Variants in PTPN11 observed in about 807,000 individuals in gnomAD.
PTPN11 encodes the protein tyrosine-protein phosphatase non-receptor type 11.
A neutral mutation model predicts 78.8 loss-of-function variants in PTPN11; 6 were observed. That is an observed-to-expected ratio of 0.08 (90% CI 0.04 to 0.15). The LOEUF is 0.15. Among genes scored for constraint, PTPN11 ranks in the 10% least tolerant of loss-of-function variants. PTPN11 has a pLI of 1.00. For synonymous variants in PTPN11, 221 were observed against 263.5 expected, an observed-to-expected ratio of 0.84 and a Z score of 1.56; for missense variants, 386 against 744.8, an observed-to-expected ratio of 0.52 and a Z score of 5.61.
At chr12:112,474,075 G>T (rs1274582213) in intron 7 of PTPN11, among the ~76,000 whole-genome samples, 2 of 152,074 alleles carry the variant, frequency 1.3e-5, no homozygotes, top group Non-Finnish European at 2.9e-5. Context: ...GTAGGCCGGC[G>T]CAGTGGCTTA....
chr12:112,446,240 T>A (rs745795958), intron 1 of PTPN11, 36 bp from the exon 2 acceptor site: 1 of 1,612,588 alleles, frequency 6.2e-7, no homozygotes, highest in African/African-American at 1.3e-5. Context: ...GACAGTGTCT[T>A]GTTTTTTTAT....
At chr12:112,491,954 G>A (rs1017397041) in intron 13 of PTPN11, among the ~76,000 whole-genome samples, 4 of 152,170 alleles carry the variant, frequency 2.6e-5, no homozygotes, top group Non-Finnish European at 5.9e-5. Flanking sequence ...TGACCCTCCC[G>A]CCTTGGCCTC....
intron 6 of PTPN11, among the ~76,000 whole-genome samples, chr12:112,469,242 T>G (rs2135889832): frequency 1.3e-5 from 2 of 152,254 alleles, no homozygotes; most frequent in South Asian, 4.2e-4. Context: ...GTAAGATGAA[T>G]TAGCAAATGA....
chr12:112,472,429 C>G (rs1045852775), intron 6 of PTPN11, among the ~76,000 whole-genome samples: 1 of 152,034 alleles, frequency 6.6e-6, no homozygotes, highest in African/African-American at 2.4e-5. Flanking sequence ...ATAGAACATT[C>G]TTTTGTATGA....
At position 112,478,017 on chromosome 12, in the gene PTPN11, T is replaced by C; in HGVS notation, c.1092+2T>C. 6.2e-7 allele frequency: 1 copy of C among 1,613,958 alleles called. No individual in the cohort carries two copies. Among genetic ancestry groups the C allele is most frequent in the Non-Finnish European group, 8.5e-7 (1 of 1,179,898 alleles). ...ACGAAAGAAGTGGAGAGAGGAAAGG[T>C]AAATCACAGAAACTTCTTTTCTGCT... is the stretch of plus-strand genomic sequence containing the variant. On this transcript the variant is annotated splice_donor_variant, in intron 9 of 15. Transcript: ENST00000351677. LOFTEE classifies it high-confidence loss of function.
intron 6 of PTPN11, among the ~76,000 whole-genome samples, chr12:112,472,049 A>G (rs967628422): frequency 2.6e-5 from 4 of 152,170 alleles, no homozygotes; most frequent in Non-Finnish European, 5.9e-5. Flanking sequence ...CATGTTGGCC[A>G]GGCTGGTCTT....
chr12:112,472,456 T>C (rs2038433059), intron 6 of PTPN11, among the ~76,000 whole-genome samples: 1 of 152,262 alleles, frequency 6.6e-6, no homozygotes, highest in Non-Finnish European at 1.5e-5. Flanking sequence ...AATAGTTTTA[T>C]TTAGGCGGTC....
intron 6 of PTPN11, among the ~76,000 whole-genome samples, chr12:112,466,342 T>C (rs1175341690): frequency 2.6e-5 from 4 of 152,164 alleles, no homozygotes; most frequent in African/African-American, 9.7e-5. Context: ...GGGGTTTGTT[T>C]ACCTTGTTGC....
chr12:112,458,892 G>GAC (rs747521417), intron 6 of PTPN11, among the ~76,000 whole-genome samples: 2 of 152,116 alleles, frequency 1.3e-5, no homozygotes, highest in Non-Finnish European at 2.9e-5. Context: ...AAGTAGCTGG[G>GAC]TGTGGGGGTG....
intron 2 of PTPN11, among the ~76,000 whole-genome samples, chr12:112,448,651 T>G (rs367815522): frequency 6.6e-6 from 1 of 152,208 alleles, no homozygotes; most frequent in South Asian, 2.1e-4. Flanking sequence ...TAGTGATCTC[T>G]CTCATCTTTT....
At position 112,424,956 on chromosome 12, in the gene PTPN11, TTGTGTGTGTGTG is replaced by T. The variant is rs34463047; in HGVS notation, c.14+5873_14+5884del. The stretch of plus-strand genomic sequence containing the variant: ...GGCACACACCACCATGTCAGGCTAA[TTGTGTGTGTGTG>T]TGTGTGTGTGTGTGTGTGTGTGTGT... On this transcript the variant is annotated intron_variant, in intron 1 of 15. Coordinates refer to ENST00000351677, the MANE Select transcript of PTPN11 (RefSeq NM_002834.5). Among the ~76,000 whole-genome samples, 1,166 of 88,934 alleles carry T rather than the reference TTGTGTGTGTGTG, an allele frequency of 0.013. 60 individuals carry two copies. The South Asian group carries it at 0.21, about 16-fold the overall frequency. The allele number at this position is 88,934 out of a possible 152,430, so 58.3% of individuals were successfully genotyped here.
chr12:112,496,158 T>C (rs890214333), intron 13 of PTPN11, among the ~76,000 whole-genome samples: 1 of 152,250 alleles, frequency 6.6e-6, no homozygotes, highest in Non-Finnish European at 1.5e-5. Flanking sequence ...ACATTTATTT[T>C]ATACTTTGGG....
intron 1 of PTPN11, among the ~76,000 whole-genome samples, chr12:112,440,000 A>T (rs1429782324): frequency 6.6e-6 from 1 of 152,152 alleles, no homozygotes; most frequent in African/African-American, 2.4e-5. Context: ...TAATTAGCTT[A>T]TGTAGGTAGA....
chr12:112,433,080 T>G (rs1385767594), intron 1 of PTPN11, among the ~76,000 whole-genome samples: 1 of 152,042 alleles, frequency 6.6e-6, no homozygotes, highest in Non-Finnish European at 1.5e-5. Context: ...AGGCTGGTCT[T>G]GAACTCCTGA....
At chr12:112,436,181 A>G (rs2037787123) in intron 1 of PTPN11, among the ~76,000 whole-genome samples, 1 of 152,234 alleles carries the variant, frequency 6.6e-6, no homozygotes, top group African/African-American at 2.4e-5. Flanking sequence ...GATAAAGATT[A>G]TTAAATAATA....
intron 6 of PTPN11, among the ~76,000 whole-genome samples, chr12:112,458,157 AG>A (rs1445373939): frequency 6.6e-6 from 1 of 152,172 alleles, no homozygotes; most frequent in African/African-American, 2.4e-5. Flanking sequence ...GAGGGGCCTA[AG>A]GGAGGTTAAG....
chr12:112,502,440 A>G (rs2038887722), intron 14 of PTPN11, among the ~76,000 whole-genome samples, 184 bp downstream of exon 14: 1 of 152,136 alleles, frequency 6.6e-6, no homozygotes. Context: ...TGCTATCTCA[A>G]CCACGTTTTA....
chr12:112,450,268 T>C (rs2135861601), intron 2 of PTPN11, 50 bp from the exon 3 acceptor site: 1 of 1,484,034 alleles, frequency 6.7e-7, no homozygotes, highest in Non-Finnish European at 9.4e-7. Flanking sequence ...ATTTTACTGG[T>C]GTAACTCTTT....
chr12:112,472,918 T>C (rs200179109), intron 6 of PTPN11, 26 bp from the exon 7 acceptor site: 6 of 1,539,896 alleles, frequency 3.9e-6, no homozygotes, highest in Non-Finnish European at 5.4e-6. Context: ...TGACACGTAA[T>C]AATATTGACT....
Sources: gnomAD v4.1 joint callset for allele counts (sites outside exome capture counted in the v4.1 genomes callset) on GRCh38, gnomAD v4.1.1 for gene constraint, MANE v1.5 for transcripts, NCBI Gene and HGNC (gene_info 2026-07-23, HGNC 2026-07-21) for gene names.